The following ALDH1A2 variants were observed in gnomAD, a reference collection of about 807,000 sequenced individuals.
ALDH1A2 encodes the protein retinal dehydrogenase 2.
Under a neutral mutation model 60.3 loss-of-function variants are expected in ALDH1A2, and 27 were observed. The ratio of observed to expected loss-of-function variants is 0.45; its 90% CI spans 0.33 to 0.62. The LOEUF (loss-of-function observed/expected upper bound fraction) is 0.62. Among genes scored for constraint, ALDH1A2 ranks in the 20% least tolerant of loss-of-function variants. ALDH1A2 has a pLI of 0.02. For synonymous variants in ALDH1A2, 289 were observed against 232.4 expected (o/e 1.24, Z -2.21); for missense variants, 581 against 643.8 (o/e 0.90, Z 1.06).
chr15:57,992,560 C>T (rs1315803473), intron 7 of ALDH1A2, 145 bp downstream of exon 7: 1 of 776,460 alleles, frequency 1.3e-6, no homozygotes, highest in African/African-American at 1.7e-5. Flanking sequence ...CACCAGTGTT[C>T]TATGACACCA....
intron 7 of ALDH1A2, 119 bp from the exon 8 acceptor site, chr15:57,965,946 A>G (rs1225113442): frequency 1.3e-6 from 1 of 761,186 alleles, no homozygotes; most frequent in Non-Finnish European, 2.3e-6. Context: ...AGGCAAGCCA[A>G]CCCAGCTCTT....
At chr15:57,983,852 G>A (rs775115283) in intron 7 of ALDH1A2, among the ~76,000 whole-genome samples, 2 of 152,060 alleles carry the variant, frequency 1.3e-5, no homozygotes, top group Non-Finnish European at 2.9e-5. Context: ...GGAATTGACT[G>A]GAAACAACTT....
chr15:57,992,195 T>G (rs1894918292), intron 7 of ALDH1A2, among the ~76,000 whole-genome samples: 1 of 152,144 alleles, frequency 6.6e-6, no homozygotes, highest in Admixed American at 6.5e-5. Context: ...CATGGCTGAG[T>G]AGTTGCAACA....
chr15:57,983,149 C>G (rs1209698126), intron 7 of ALDH1A2, among the ~76,000 whole-genome samples: 1 of 152,216 alleles, frequency 6.6e-6, no homozygotes, highest in Non-Finnish European at 1.5e-5. Flanking sequence ...GACAACAAAA[C>G]TGCATTCGCT....
intron 7 of ALDH1A2, among the ~76,000 whole-genome samples, chr15:57,988,794 T>C (rs774567638): frequency 1.8e-4 from 28 of 152,340 alleles, no homozygotes; most frequent in Non-Finnish European, 3.4e-4. Context: ...TAAGCACTTA[T>C]GGTTTTATGG....
chr15:57,962,313 T>G, intron 9 of ALDH1A2, 137 bp from the exon 10 acceptor site: 1 of 1,075,012 alleles, frequency 9.3e-7, no homozygotes, highest in Non-Finnish European at 1.3e-6. Context: ...AAACTGCTGT[T>G]ACTTACCAAT....
chr15:58,026,035 CA>C (rs1420027219), intron 1 of ALDH1A2, among the ~76,000 whole-genome samples: 2 of 152,162 alleles, frequency 1.3e-5, no homozygotes, highest in African/African-American at 4.8e-5. Flanking sequence ...AGGGGACATA[CA>C]TCCAAACCAT....
intron 1 of ALDH1A2, among the ~76,000 whole-genome samples, chr15:58,014,932 G>C (rs1413773042): frequency 6.6e-6 from 1 of 152,152 alleles, no homozygotes; most frequent in Non-Finnish European, 1.5e-5. Flanking sequence ...TTCTTAAAAG[G>C]CTTGGTCTCC....
intron 7 of ALDH1A2, among the ~76,000 whole-genome samples, chr15:57,966,974 T>C (rs1193969297): frequency 6.6e-6 from 1 of 152,240 alleles, no homozygotes; most frequent in South Asian, 2.1e-4. Flanking sequence ...CAATTTGGTC[T>C]TGTTGAGATG....
chr15:58,038,731 T>C (rs1896437999), intron 1 of ALDH1A2: 1 of 151,746 alleles, frequency 6.6e-6, no homozygotes, highest in South Asian at 2.1e-4. Context: ...ATCAATATTG[T>C]GGTAGAAGGC....
At chr15:57,968,678 G>A (rs1335351318) in intron 7 of ALDH1A2, among the ~76,000 whole-genome samples, 49 of 152,166 alleles carry the variant, frequency 3.2e-4, no homozygotes, top group Admixed American at 3.2e-3. Context: ...ACAAGCAAAA[G>A]CCAGGAAAAA....
intron 5 of ALDH1A2, 123 bp downstream of exon 5, chr15:57,994,955 A>C: frequency 1.1e-6 from 1 of 925,518 alleles, no homozygotes; most frequent in South Asian, 1.3e-5. Flanking sequence ...TGTCAACAAC[A>C]TGAGCTCAGT....
chr15:57,985,462 G>A (rs1307674556), intron 7 of ALDH1A2, among the ~76,000 whole-genome samples: 1 of 152,046 alleles, frequency 6.6e-6, no homozygotes, highest in African/African-American at 2.4e-5. Flanking sequence ...TAATTCCCAT[G>A]ACCCTGAGAA....
At chr15:57,991,654 T>G (rs749263258) in intron 7 of ALDH1A2, 3 of 152,208 alleles carry the variant, frequency 2.0e-5, no homozygotes, top group Non-Finnish European at 4.4e-5. Context: ...ATGCAAAATA[T>G]TGTATTAATA....
chr15:58,000,531 C>A (rs916393563), intron 4 of ALDH1A2, among the ~76,000 whole-genome samples: 2 of 151,968 alleles, frequency 1.3e-5, no homozygotes, highest in African/African-American at 4.8e-5. Context: ...ATGTAAATAG[C>A]TACCTGTTAG....
chr15:58,028,915 C>T (rs560289940), intron 1 of ALDH1A2, among the ~76,000 whole-genome samples: 3 of 152,196 alleles, frequency 2.0e-5, no homozygotes, highest in Admixed American at 2.0e-4. Context: ...CCTTAGAGAC[C>T]TACAAAGAGA....
chr15:57,999,152 T>C (rs1280036923), intron 4 of ALDH1A2, among the ~76,000 whole-genome samples: 1 of 152,102 alleles, frequency 6.6e-6, no homozygotes, highest in African/African-American at 2.4e-5. Context: ...CAAGATTGCA[T>C]GATGAAAACG....
chr15:57,959,719 G>T (rs1279855053), intron 12 of ALDH1A2, among the ~76,000 whole-genome samples: 1 of 152,164 alleles, frequency 6.6e-6, no homozygotes, highest in African/African-American at 2.4e-5. Flanking sequence ...GTCCAAGGTT[G>T]CACAGGTAGT....
At chr15:58,039,473 T>C (rs577055650) in intron 1 of ALDH1A2, among the ~76,000 whole-genome samples, 2 of 151,810 alleles carry the variant, frequency 1.3e-5, no homozygotes, top group African/African-American at 2.4e-5. Flanking sequence ...ACCTCAATTG[T>C]GAAGGCCATT....
Sources: allele counts gnomAD v4.1 joint callset (sites outside exome capture counted in the v4.1 genomes callset), GRCh38; gene constraint gnomAD v4.1.1; transcripts MANE v1.5; gene names NCBI Gene and HGNC (gene_info 2026-07-23, HGNC 2026-07-21).